ARAP2: variants seen among roughly 807,000 people sequenced by gnomAD.
The protein encoded by ARAP2 is arf-GAP with Rho-GAP domain, ANK repeat and PH domain-containing protein 2.
Under a neutral mutation model 194.5 loss-of-function variants are expected in ARAP2, and 148 were observed. The ratio of observed to expected loss-of-function variants is 0.76; its 90% confidence interval spans 0.67 to 0.87. The LOEUF (loss-of-function observed/expected upper bound fraction) is 0.87. ARAP2 is among the 40% of genes least tolerant of loss of function. ARAP2 has a pLI of 0.00. For synonymous variants in ARAP2, 695 were observed against 683.5 expected (o/e 1.02, Z -0.26); for missense variants, 2,128 against 1,989.7 (o/e 1.07, Z -1.32).
chr4:36,119,125 T>C (rs1358755281), intron 24 of ARAP2, among the ~76,000 whole-genome samples: 1 of 151,366 alleles, frequency 6.6e-6, no homozygotes, highest in Non-Finnish European at 1.5e-5. Flanking sequence ...AAATCCAGTA[T>C]AATGTGACTG....
intron 26 of ARAP2, among the ~76,000 whole-genome samples, chr4:36,110,454 C>T (rs1173025899): frequency 1.3e-5 from 2 of 151,732 alleles, no homozygotes; most frequent in Admixed American, 1.3e-4. Context: ...CTCAGTGAAG[C>T]CTATTTAAAT....
chr4:36,034,823 C>T (rs1433155319), intron 5 of ARAP2, among the ~76,000 whole-genome samples: 1 of 152,092 alleles, frequency 6.6e-6, no homozygotes, highest in African/African-American at 2.4e-5. Context: ...TATCGAAAAC[C>T]TTTTCTGCAC....
intron 27 of ARAP2, among the ~76,000 whole-genome samples, chr4:36,103,059 G>T (rs998998992): frequency 6.6e-6 from 1 of 151,722 alleles, no homozygotes; most frequent in Non-Finnish European, 1.5e-5. Flanking sequence ...TTATGGATTT[G>T]TATTATATTT....
At chr4:36,170,155 T>A (rs1373231399) in intron 9 of ARAP2, among the ~76,000 whole-genome samples, 1 of 152,176 alleles carries the variant, frequency 6.6e-6, no homozygotes, top group African/African-American at 2.4e-5. Context: ...CCTAAGAATT[T>A]TTAATTTCCA....
intron 2 of ARAP2, among the ~76,000 whole-genome samples, chr4:36,052,829 G>T (rs1048749382): frequency 2.6e-4 from 39 of 152,064 alleles, no homozygotes; most frequent in Non-Finnish European, 4.4e-4. Context: ...TGAGCCGGGC[G>T]TGGTGGCGGG....
chr4:36,090,731 G>A (rs1713382333), intron 28 of ARAP2, among the ~76,000 whole-genome samples: 2 of 152,078 alleles, frequency 1.3e-5, no homozygotes, highest in South Asian at 4.1e-4. Context: ...GACACATAGA[G>A]GGGAACAACA....
At chr4:36,022,920 T>C (rs1426043021) in intron 5 of ARAP2, among the ~76,000 whole-genome samples, 1 of 152,152 alleles carries the variant, frequency 6.6e-6, no homozygotes, top group Non-Finnish European at 1.5e-5. Flanking sequence ...CAGAGAATAA[T>C]ATATGGAGAA....
intron 8 of ARAP2, among the ~76,000 whole-genome samples, chr4:36,181,543 T>C (rs1204323537): frequency 1.3e-5 from 2 of 152,214 alleles, no homozygotes; most frequent in African/African-American, 4.8e-5. Context: ...TCAACAACAT[T>C]ATCTAATAAA....
At chr4:36,133,902 G>T (rs1380343235) in intron 19 of ARAP2, among the ~76,000 whole-genome samples, 1 of 151,694 alleles carries the variant, frequency 6.6e-6, no homozygotes, top group Non-Finnish European at 1.5e-5. Context: ...ACTCTCCAGG[G>T]ACATGCCATT....
At chr4:36,212,266 A>T in intron 5 of ARAP2, 130 bp downstream of exon 5, 1 of 656,926 alleles carries the variant, frequency 1.5e-6, no homozygotes, top group Non-Finnish European at 2.4e-6. Context: ...TTACATTTAG[A>T]GAGGAAAAAA....
chr4:36,189,448 T>C (rs1365423573), intron 7 of ARAP2, among the ~76,000 whole-genome samples: 3 of 152,170 alleles, frequency 2.0e-5, no homozygotes, highest in Non-Finnish European at 4.4e-5. Context: ...TTTGAAACTA[T>C]ATTAAATTAG....
At chr4:36,153,957 C>T (rs1447709584) in intron 15 of ARAP2, among the ~76,000 whole-genome samples, 1 of 152,122 alleles carries the variant, frequency 6.6e-6, no homozygotes, top group Non-Finnish European at 1.5e-5. Flanking sequence ...ATCGACATTC[C>T]TGAGGTCACA....
intron 3 of ARAP2, among the ~76,000 whole-genome samples, chr4:36,051,455 C>T (rs538456184): frequency 5.3e-5 from 8 of 151,666 alleles, no homozygotes; most frequent in East Asian, 1.9e-4. Context: ...CCAGCCTGGG[C>T]GACAGACCAA....
At chr4:36,219,956 T>C (rs114222290) in intron 2 of ARAP2, among the ~76,000 whole-genome samples, 2,077 of 152,296 alleles carry the variant, frequency 0.014, 42 homozygotes, top group African/African-American at 0.047. Context: ...AGCTATACTG[T>C]TTGCATCAAA....
At chr4:36,217,793 A>G (rs1748283890) in intron 2 of ARAP2, among the ~76,000 whole-genome samples, 1 of 151,360 alleles carries the variant, frequency 6.6e-6, no homozygotes, top group Non-Finnish European at 1.5e-5. Flanking sequence ...AAAATATGAA[A>G]TACTAGATAT....
At position 36,147,586 on chromosome 4, in the gene ARAP2, T is replaced by C. The variant is rs1414773237; in HGVS notation, c.3161A>G (p.Gln1054Arg). ...LHFCLQMQEV[Q>R]GDRMHLRRLQ... ...TCTTCTTAAGTGCATTCTATCTCCC[T>C]GAACTTCTTGCATTTGAAGGCAAAA... Residue 1054 changes from glutamine to arginine, a missense_variant, in exon 18 of 33, where the codon CAG (glutamine) becomes CGG (arginine). By Grantham distance (43) the Gln-to-Arg change is conservative. Transcript: ENST00000303965. 1.2e-6 allele frequency: 2 copies of C among 1,613,424 alleles called. No individual in the cohort carries two copies. The highest frequency in any genetic ancestry group is 1.7e-6 in the Non-Finnish European group (2 of 1,179,650).
At chr4:36,208,462 A>G (rs1746042564) in intron 6 of ARAP2, among the ~76,000 whole-genome samples, 1 of 152,216 alleles carries the variant, frequency 6.6e-6, no homozygotes. Flanking sequence ...CTTTACAGAA[A>G]AAGTTTGTTG....
chr4:36,132,415 T>C (rs1725656224), intron 20 of ARAP2, among the ~76,000 whole-genome samples: 1 of 151,814 alleles, frequency 6.6e-6, no homozygotes, highest in East Asian at 1.9e-4. Flanking sequence ...CAAATCATTT[T>C]CCTCTTTTCC....
chr4:36,020,382 T>G (rs938484480), intron 5 of ARAP2, among the ~76,000 whole-genome samples: 5 of 152,074 alleles, frequency 3.3e-5, no homozygotes, highest in South Asian at 2.1e-4. Context: ...TTGCACTCCA[T>G]CCTGGATGAA....
Sources: allele counts gnomAD v4.1 joint callset (sites outside exome capture counted in the v4.1 genomes callset), GRCh38; gene constraint gnomAD v4.1.1; transcripts MANE v1.5; gene names NCBI Gene and HGNC (gene_info 2026-07-23, HGNC 2026-07-21).